Variants in NAP1L4 observed in about 807,000 individuals in gnomAD.
The protein encoded by NAP1L4 is nucleosome assembly protein 1-like 4.
In NAP1L4, 15 loss-of-function variants were observed where a neutral mutation model predicts 58.2. The observed-to-expected ratio is 0.26, with a 90% confidence interval of 0.17 to 0.40. The LOEUF (loss-of-function observed/expected upper bound fraction) is 0.40. Ranked by LOEUF, NAP1L4 falls within the 10% of genes least tolerant of loss-of-function variation. The probability of loss-of-function intolerance (pLI) is 1.00; values close to 1 mark genes in which losing one functional copy is unlikely to be tolerated. For missense variants in NAP1L4, 384 were observed against 451.1 expected (o/e 0.85, Z 1.35); for synonymous variants, 171 against 155.6 (o/e 1.10, Z -0.74).
chr11:2,961,261 T>C (rs1215182462), intron 8 of NAP1L4, among the ~76,000 whole-genome samples: 1 of 151,852 alleles, frequency 6.6e-6, no homozygotes, highest in African/African-American at 2.4e-5. Flanking sequence ...CATGAGGGCT[T>C]AGGAAGTCAG....
In NAP1L4 at chr11:2,948,740, T is replaced by C. The variant is rs1846068844; in HGVS notation, c.*32+487A>G. Among the ~76,000 whole-genome samples, 3 of 152,262 alleles carry C rather than the reference T, an allele frequency of 2.0e-5. 1 individual carries two copies. The South Asian group carries it at 6.2e-4, about 31-fold the overall frequency. On this transcript the variant is annotated intron_variant, in intron 15 of 15. Transcript: ENST00000380542. The surrounding 1 kb of genome is among the most constrained non-coding windows in gnomAD (Gnocchi z 5.1). ...GGCACAGTAAAAGCTGTTACCCCTC[T>C]GTGTACCTATTGGTCTGCACAAAAC...
intron 4 of NAP1L4, 56 bp from the exon 5 acceptor site, chr11:2,972,299 G>A (rs1847684307): frequency 6.8e-7 from 1 of 1,464,092 alleles, no homozygotes. Context: ...AAAGCAGCAT[G>A]CTTTTCAATT....
Position 2,946,463 on chromosome 11 carries a change from T to C in NAP1L4, c.*33-817A>G, listed in dbSNP as rs1176786948. Among the ~76,000 whole-genome samples, 2 of 152,244 alleles carry C rather than the reference T, an allele frequency of 1.3e-5. No homozygotes were observed. Among genetic ancestry groups the C allele is most frequent in the African/African-American group, 4.8e-5 (2 of 41,474 alleles). ...CCTAAGAAATACATCACGATCTTGC[T>C]AATGCTTCTGCGCTAGTAACTTTAC... is the stretch of plus-strand genomic sequence containing the variant. On this transcript the variant is annotated intron_variant, in intron 15 of 15. Coordinates refer to ENST00000380542, the MANE Select transcript of NAP1L4 (RefSeq NM_005969.4). The surrounding 1 kb of genome is among the most constrained non-coding windows in gnomAD (Gnocchi z 4.8).
chr11:2,966,470 A>G (rs1197835013), intron 7 of NAP1L4, among the ~76,000 whole-genome samples: 2 of 152,010 alleles, frequency 1.3e-5, no homozygotes, highest in Non-Finnish European at 2.9e-5. Context: ...TTTATCAACA[A>G]TTCTCTGCTT....
chr11:2,969,967 T>TA (rs1389783977), intron 6 of NAP1L4, 33 bp from the exon 7 acceptor site: 13 of 1,593,838 alleles, frequency 8.2e-6, no homozygotes. Context: ...GTAACGAAAA[T>TA]AAAAGTTTAC....
intron 1 of NAP1L4, among the ~76,000 whole-genome samples, chr11:2,982,498 G>T (rs1015601280): frequency 6.6e-6 from 1 of 152,120 alleles, no homozygotes; most frequent in Non-Finnish European, 1.5e-5. Context: ...ACTAGCAAGG[G>T]ACCTACATGT....
chr11:2,970,026 A>G (rs1847545241), intron 6 of NAP1L4, 92 bp from the exon 7 acceptor site: 1 of 1,326,558 alleles, frequency 7.5e-7, no homozygotes. Flanking sequence ...ATCCTCTACT[A>G]TCTCCCATCA....
intron 1 of NAP1L4, among the ~76,000 whole-genome samples, chr11:2,980,715 G>C (rs142229337): frequency 2.0e-5 from 3 of 152,098 alleles, no homozygotes; most frequent in East Asian, 1.9e-4. Flanking sequence ...CATAGCTTTA[G>C]GGTAAAACCA....
At chr11:2,966,088 T>C (rs1858796) in intron 7 of NAP1L4, among the ~76,000 whole-genome samples, 3,155 of 152,314 alleles carry the variant, frequency 0.021, 107 homozygotes, top group African/African-American at 0.071. Flanking sequence ...ATTTGTAACA[T>C]GGCAGTCACT....
At position 2,969,783 on chromosome 11, in the gene NAP1L4, C is replaced by G; in HGVS notation, c.534+20G>C. On this transcript the variant is annotated intron_variant, in intron 7 of 15. Transcript: ENST00000380542. ...AGAAGACTAGCACATAATCTCTCTA[C>G]AAGACAGAAGTGTGCTTACCTGGAC... 6.2e-7 allele frequency: 1 copy of G among 1,600,088 alleles called. No individual in the cohort carries two copies. Among genetic ancestry groups the G allele is most frequent in the Non-Finnish European group, 8.5e-7 (1 of 1,173,156 alleles).
At position 2,971,500 on chromosome 11, in the gene NAP1L4, G is replaced by A. The variant is rs1250274547; in HGVS notation, c.350C>T (p.Thr117Ile). ...REFITGDVEPTDAESEWHSEN... is the reference protein window; with the variant it reads ...REFITGDVEPIDAESEWHSEN... ...ACTGTGCCATTCCGATTCCGCATCTGTTGGTTCAACATCGCCGGTGATAAA... is the reference window on the plus strand; with the variant it reads ...ACTGTGCCATTCCGATTCCGCATCTATTGGTTCAACATCGCCGGTGATAAA... Residue 117 changes from threonine to isoleucine, a missense_variant, in exon 6 of 16, where the codon ACA becomes ATA. By Grantham distance (89) the Thr-to-Ile change is moderately conservative. Transcript: ENST00000380542. This position sits in a 1 kb window ranked among gnomAD's most constrained non-coding sequence, Gnocchi z 4.2. The A allele has an allele frequency of 6.2e-7, 1 of 1,613,846 alleles. No individual in the cohort carries two copies. Among genetic ancestry groups the A allele is most frequent in the Non-Finnish European group, 8.5e-7 (1 of 1,180,006 alleles).
intron 8 of NAP1L4, among the ~76,000 whole-genome samples, chr11:2,961,846 T>TA (rs1258707599): frequency 1.5e-4 from 23 of 152,338 alleles, no homozygotes; most frequent in African/African-American, 5.3e-4. Context: ...TTTCTATAGA[T>TA]AGATTCATGT....
Position 2,951,942 on chromosome 11 carries a change from C to T in NAP1L4, c.1036-133G>A, listed in dbSNP as rs193024495. On this transcript the variant is annotated intron_variant, in intron 12 of 15. Transcript: ENST00000380542. The surrounding 1 kb of genome is among the most constrained non-coding windows in gnomAD (Gnocchi z 4.0). ...AAGTCCAGCCACGCTGCCTGCTGGG[C>T]CTCGCTTGCCTGAGGAGCCATTTGC... The T allele has an allele frequency of 5.9e-4, 480 of 811,762 alleles. 2 individuals carry two copies. The African/African-American group carries it at 6.7e-3, about 11-fold the overall frequency. The allele number at this position is 811,762 out of a possible 1,614,324, so 50.3% of individuals were successfully genotyped here.
At position 2,959,554 on chromosome 11, in the gene NAP1L4, C is replaced by T. The variant is rs1203659142; in HGVS notation, c.746+216G>A. Among the ~76,000 whole-genome samples, 1 of 152,212 alleles carries T rather than the reference C, an allele frequency of 6.6e-6. No individual in the cohort carries two copies. Among genetic ancestry groups the T allele is most frequent in the Non-Finnish European group, 1.5e-5 (1 of 68,038 alleles). ...TCCCAAAGGCTTGCATGTGCAACCA[C>T]GTGACTCATTTCCCAGGTTCAGCCG... On this transcript the variant is annotated intron_variant, in intron 9 of 15. Coordinates refer to ENST00000380542, the MANE Select transcript of NAP1L4 (RefSeq NM_005969.4). The surrounding 1 kb of genome is among the most constrained non-coding windows in gnomAD (Gnocchi z 4.9).
intron 15 of NAP1L4, 64 bp from the exon 16 acceptor site, chr11:2,945,710 A>G: frequency 7.4e-7 from 1 of 1,350,962 alleles, no homozygotes; most frequent in Non-Finnish European, 1.0e-6. Flanking sequence ...ATTAGCTCCA[A>G]TCAACAATGA....
intron 7 of NAP1L4, among the ~76,000 whole-genome samples, chr11:2,968,988 G>GTTT (rs61176259): frequency 1.4e-4 from 16 of 113,572 alleles, no homozygotes; most frequent in Non-Finnish European, 2.0e-4. Flanking sequence ...TTGTTGTGTT[G>GTTT]TTTTTTTTTT....
At chr11:2,972,820 A>G (rs750295899) in intron 4 of NAP1L4, among the ~76,000 whole-genome samples, 3 of 152,128 alleles carry the variant, frequency 2.0e-5, no homozygotes, top group Admixed American at 6.6e-5. Context: ...AATTTTAAAA[A>G]ATTAGCAAGG....
chr11:2,945,581 G>A lies in NAP1L4; in HGVS notation c.*98C>T, dbSNP rs913008775. 4.6e-6 allele frequency: 7 copies of A among 1,535,196 alleles called. No individual in the cohort carries two copies. Among genetic ancestry groups the A allele is most frequent in the South Asian group, 3.6e-5 (3 of 84,020 alleles). ...CCACAGGCCTGGAGTCCCGACAGCC[G>A]GTCTGCCAGGCACCCGCCTCCGCTT... is the stretch of plus-strand genomic sequence containing the variant. On this transcript the variant is annotated 3_prime_UTR_variant, in exon 16 of 16. Transcript: ENST00000380542.
rs1480593541 is a variant in NAP1L4, at chr11:2,972,243, A to T, written c.174T>A (p.Thr58=). The change falls in exon 5 of 16, where the codon ACT becomes ACA. Residue 58 remains threonine (T), a splice_region_variant and synonymous_variant. Coordinates refer to ENST00000380542, the MANE Select transcript of NAP1L4 (RefSeq NM_005969.4). ...TTCTTCTTTTTACTGCTTTAGGTAA[A>T]CTAAAAAAGGGAGTAAGAAATACAA... ...VPHTPSSYIE[T]LPKAVKRRIN... 1.3e-6 allele frequency: 2 copies of T among 1,599,702 alleles called. No individual in the cohort carries two copies. The highest frequency in any genetic ancestry group is 1.7e-6 in the Non-Finnish European group (2 of 1,175,838).
Sources: allele counts gnomAD v4.1 joint callset (sites outside exome capture counted in the v4.1 genomes callset), GRCh38; gene constraint gnomAD v4.1.1; non-coding constraint Gnocchi (gnomAD v3.1); transcripts MANE v1.5; gene names NCBI Gene and HGNC (gene_info 2026-07-23, HGNC 2026-07-21).